WRAP53: variants seen among roughly 807,000 people sequenced by gnomAD.
The protein encoded by WRAP53 is WD repeat containing antisense to TP53.
In WRAP53, 28 loss-of-function variants were observed where a neutral mutation model predicts 56.6. The ratio of observed to expected loss-of-function variants is 0.50; its 90% CI spans 0.37 to 0.68. The LOEUF (loss-of-function observed/expected upper bound fraction) is 0.68, where lower values mean the gene tolerates loss of function less well. Ranked by LOEUF, WRAP53 falls within the 30% of genes least tolerant of loss-of-function variation. WRAP53 has a pLI of 0.00. For synonymous variants in WRAP53, 283 were observed against 283.4 expected (o/e 1.00, Z 0.01); for missense variants, 671 against 715.5 (o/e 0.94, Z 0.71).
chr17:7,695,334 GTCT>G (rs1047228591), intron 4 of WRAP53, among the ~76,000 whole-genome samples: 4 of 152,240 alleles, frequency 2.6e-5, no homozygotes, highest in Admixed American at 1.3e-4. Flanking sequence ...TGTGTACTGA[GTCT>G]TCTTCCCAAT....
In WRAP53 at chr17:7,699,440, TTATATATATATATATATTTA is replaced by T. The variant is rs1567577123; in HGVS notation, c.643-1285_643-1266del. Among the ~76,000 whole-genome samples the T allele has an allele frequency of 4.0e-4, 29 of 72,586 alleles. 1 individual carries two copies. The highest frequency in any genetic ancestry group is 1.3e-3 in the African/African-American group (20 of 15,528). The allele number at this position is 72,586 out of a possible 152,430, so 47.6% of individuals were successfully genotyped here. On this transcript the variant is annotated intron_variant, in intron 4 of 10. Coordinates refer to ENST00000396463, the MANE Select transcript of WRAP53 (RefSeq NM_001143992.2). ...GCCTTTAAAATTAAAAAAAAAAAAT[TTATATATATATATATATTTA>T]TATATATATATATATTTATATATAT...
At chr17:7,695,573 C>T (rs947511765) in intron 4 of WRAP53, among the ~76,000 whole-genome samples, 1 of 152,130 alleles carries the variant, frequency 6.6e-6, no homozygotes, top group Non-Finnish European at 1.5e-5. Flanking sequence ...AATGCTGTAG[C>T]CACACAATTG....
In WRAP53 at chr17:7,688,722, C is replaced by A. The variant is rs760086957; in HGVS notation, c.74C>A (p.Pro25His). 3 of 1,614,208 alleles carry A rather than the reference C, an allele frequency of 1.9e-6. No homozygotes were observed. The highest frequency in any genetic ancestry group is 1.7e-6 in the Non-Finnish European group (2 of 1,180,036). The change falls in exon 2 of 11, where the codon CCT becomes CAT. Residue 25 changes from proline (P) to histidine (H), a missense_variant. Physicochemically the swap from Pro to His is moderately conservative, Grantham distance 77. Transcript: ENST00000396463. ...GACCAGGACCCAGCTCCAGCCCATCCTTCTCCCCACGCTTCCCCGATGAAT... is the reference window on the plus strand; with the variant it reads ...GACCAGGACCCAGCTCCAGCCCATCATTCTCCCCACGCTTCCCCGATGAAT... ...PSDQDPAPAH[P>H]SPHASPMNKN...
Position 7,703,129 on chromosome 17 carries a change from T to A in WRAP53, c.1403+2T>A, listed in dbSNP as rs1002579664. The stretch of plus-strand genomic sequence containing the variant: ...GAAGGACTGCACCAATGGCGTGAGG[T>A]CCTCAGTTCAATTCCAGAGATGTTG... On this transcript the variant is annotated splice_donor_variant, in intron 10 of 10. Transcript: ENST00000396463. LOFTEE classifies it high-confidence loss of function. 1.2e-6 allele frequency: 2 copies of A among 1,613,972 alleles called. No homozygotes were observed. Among genetic ancestry groups the A allele is most frequent in the Non-Finnish European group, 1.7e-6 (2 of 1,179,980 alleles).
At chr17:7,689,480 T>A in intron 3 of WRAP53, 110 bp from the exon 4 acceptor site, 1 of 1,282,074 alleles carries the variant, frequency 7.8e-7, no homozygotes, top group Non-Finnish European at 1.1e-6. Flanking sequence ...TGTCTTCTAC[T>A]TCCCTCAAGG....
At position 7,702,400 on chromosome 17, in the gene WRAP53, C is replaced by A; in HGVS notation, c.1012C>A (p.Pro338Thr). The change falls in exon 8 of 11, where the codon CCC becomes ACC. Residue 338 changes from proline (P) to threonine (T), a missense_variant. Transcript: ENST00000396463. The surrounding 1 kb of genome is among the most constrained non-coding windows in gnomAD (Gnocchi z 5.0). ...CTGCATAGCCTTCAGCCCAGCCCAG[C>A]CCCTCTATGCCTGTGGCTCCTACGG... ...ISCIAFSPAQ[P>T]LYACGSYGRS... 1 of 1,614,182 alleles carries A rather than the reference C, an allele frequency of 6.2e-7. No homozygotes were observed. Among genetic ancestry groups the A allele is most frequent in the Non-Finnish European group, 8.5e-7 (1 of 1,180,044 alleles).
upstream of WRAP53, chr17:7,688,155 A>G (rs2074040531): frequency 1.1e-5 from 2 of 174,208 alleles, no homozygotes; most frequent in Non-Finnish European, 2.5e-5. Flanking sequence ...AATGAGATGC[A>G]GAAGAGGTGC....
At chr17:7,692,553 G>C (rs1485937336) in intron 4 of WRAP53, among the ~76,000 whole-genome samples, 2 of 149,118 alleles carry the variant, frequency 1.3e-5, no homozygotes, top group African/African-American at 4.9e-5. Context: ...CCAAGGAGAT[G>C]GAGGTTGCAG....
chr17:7,702,227 TG>T lies in WRAP53; in HGVS notation c.956-110del, dbSNP rs574637496. On this transcript the variant is annotated intron_variant, in intron 7 of 10. Transcript: ENST00000396463. This position sits in a 1 kb window ranked among gnomAD's most constrained non-coding sequence, Gnocchi z 5.0. ...TTTGTCCTGCTTGTGACAGACAGCA[TG>T]GGGGGGATGTTGAGTCCAAGCATGT... 1.2e-5 allele frequency: 13 copies of T among 1,091,986 alleles called. No homozygotes were observed. Among genetic ancestry groups the T allele is most frequent in the Non-Finnish European group, 1.7e-5 (12 of 721,750 alleles). 67.6% of individuals were successfully genotyped at this position (1,091,986 alleles called of 1,614,324 possible). A position where few individuals can be genotyped will look rare whatever the true frequency, so the allele number is the denominator to read the frequency against.
At chr17:7,694,959 CT>C (rs200485703) in intron 4 of WRAP53, among the ~76,000 whole-genome samples, 45 of 143,570 alleles carry the variant, frequency 3.1e-4, no homozygotes, top group Non-Finnish European at 3.2e-4. Flanking sequence ...AAATAGATAA[CT>C]TTTTTTTTTT....
intron 4 of WRAP53, among the ~76,000 whole-genome samples, chr17:7,691,206 C>T (rs2074102878): frequency 7.3e-6 from 1 of 137,576 alleles, no homozygotes; most frequent in Admixed American, 7.4e-5. Flanking sequence ...GAGACTCCAT[C>T]CCAAAACAAA....
At position 7,702,902 on chromosome 17, in the gene WRAP53, A is replaced by T; in HGVS notation, c.1268+56A>T. On this transcript the variant is annotated intron_variant, in intron 9 of 10. Coordinates refer to ENST00000396463, the MANE Select transcript of WRAP53 (RefSeq NM_001143992.2). The surrounding 1 kb of genome is among the most constrained non-coding windows in gnomAD (Gnocchi z 5.0). Reference sequence around the variant, plus strand: ...GCCCTGATAAGCCTAGGAATGCCAGAGCCCAGCTGTAGGGTCCCAGTCCCT... The same window carrying T: ...GCCCTGATAAGCCTAGGAATGCCAGTGCCCAGCTGTAGGGTCCCAGTCCCT... 6.2e-7 allele frequency: 1 copy of T among 1,612,892 alleles called. No homozygotes were observed.
Position 7,701,850 on chromosome 17 carries a change from C to G in WRAP53, c.955+61C>G, listed in dbSNP as rs776958207. The G allele has an allele frequency of 6.1e-5, 97 of 1,581,374 alleles. No homozygotes were observed. The highest frequency in any genetic ancestry group is 3.3e-4 in the Middle Eastern group (2 of 6,050). On this transcript the variant is annotated intron_variant, in intron 7 of 10. Coordinates refer to ENST00000396463, the MANE Select transcript of WRAP53 (RefSeq NM_001143992.2). The surrounding 1 kb of genome is among the most constrained non-coding windows in gnomAD (Gnocchi z 4.2). ...AAGGGCACTGCCACCTGCACAGGGG[C>G]CTTTTGTGAGCCGGGGGCCACCTGT...
chr17:7,699,522 T>TATATA (rs1567577715), intron 4 of WRAP53, among the ~76,000 whole-genome samples: 147 of 14,072 alleles, frequency 0.01, 15 homozygotes, highest in Non-Finnish European at 0.014. Context: ...ATATATATAT[T>TATATA]TATATATATA....
intron 3 of WRAP53, 32 bp downstream of exon 3, chr17:7,689,354 AC>A: frequency 6.2e-7 from 1 of 1,604,614 alleles, no homozygotes; most frequent in Non-Finnish European, 8.5e-7. Flanking sequence ...GGAGCTGACC[AC>A]CCCCGAGATT....
chr17:7,689,623 T>C lies in WRAP53; in HGVS notation c.564T>C (p.Ser188=). The change falls in exon 4 of 11, where the codon AGT becomes AGC. Residue 188 remains serine (S), a synonymous_variant. Coordinates refer to ENST00000396463, the MANE Select transcript of WRAP53 (RefSeq NM_001143992.2). ...APDGSCILTN[S]ADNILRIYNL... is the part of the protein sequence containing the mutation. ...ACGGTTCCTGCATCTTGACCAATAG[T>C]GCTGATAACATCTTGCGAATTTATA... The C allele has an allele frequency of 6.2e-7, 1 of 1,614,078 alleles. No homozygotes were observed. Among genetic ancestry groups the C allele is most frequent in the Non-Finnish European group, 8.5e-7 (1 of 1,180,016 alleles).
chr17:7,695,644 G>A (rs1287235591), intron 4 of WRAP53, among the ~76,000 whole-genome samples: 2 of 152,100 alleles, frequency 1.3e-5, no homozygotes, highest in African/African-American at 4.8e-5. Context: ...TCCCGCTGAC[G>A]ACGTTGGCAC....
At chr17:7,688,199 G>C (rs901028817), upstream of WRAP53, 2 of 185,088 alleles carry the variant, frequency 1.1e-5, no homozygotes, top group African/African-American at 4.8e-5. Flanking sequence ...GCGGCGGGGG[G>C]GCGGTGCAGG....
intron 4 of WRAP53, among the ~76,000 whole-genome samples, chr17:7,699,170 A>T (rs2074225101): frequency 6.6e-6 from 1 of 151,594 alleles, no homozygotes; most frequent in African/African-American, 2.4e-5. Flanking sequence ...CTGTAATCCC[A>T]GCACTTTGGG....
Sources: allele counts gnomAD v4.1 joint callset (sites outside exome capture counted in the v4.1 genomes callset), GRCh38; gene constraint gnomAD v4.1.1; non-coding constraint Gnocchi (gnomAD v3.1); transcripts MANE v1.5; gene names NCBI Gene and HGNC (gene_info 2026-07-23, HGNC 2026-07-21).